The following CEP170 variants were observed in gnomAD, a reference collection of about 807,000 sequenced individuals.
The protein encoded by CEP170 is centrosomal protein 170.
In CEP170, 21 loss-of-function variants were observed where a neutral mutation model predicts 151.9. The ratio of observed to expected loss-of-function variants is 0.14; its 90% CI spans 0.10 to 0.20. CEP170 has a LOEUF of 0.20. CEP170 is among the 10% of genes least tolerant of loss of function. The probability of loss-of-function intolerance (pLI) is 1.00; values close to 1 mark genes in which losing one functional copy is unlikely to be tolerated. For synonymous variants in CEP170, 356 were observed against 648.8 expected (o/e 0.55, Z 6.86); for missense variants, 964 against 1,892.9 (o/e 0.51, Z 9.11).
chr1:243,239,221 T>A (rs1015765000), intron 1 of CEP170, among the ~76,000 whole-genome samples: 1 of 152,208 alleles, frequency 6.6e-6, no homozygotes, highest in Non-Finnish European at 1.5e-5. Flanking sequence ...GTGCCTTTTT[T>A]CCTGTTCTCC....
chr1:243,151,155 C>T (rs970003195), intron 14 of CEP170, among the ~76,000 whole-genome samples: 1 of 152,210 alleles, frequency 6.6e-6, no homozygotes, highest in African/African-American at 2.4e-5. Context: ...TGTTTCACAG[C>T]CGCAGTTCAA....
chr1:243,238,123 G>C (rs1456756945), intron 1 of CEP170, among the ~76,000 whole-genome samples: 1 of 152,020 alleles, frequency 6.6e-6, no homozygotes, highest in Non-Finnish European at 1.5e-5. Context: ...TCTGTAGTTT[G>C]ATTATTTCTG....
At position 243,252,422 on chromosome 1, in the gene CEP170, A is replaced by G. The variant is rs367756133; in HGVS notation, c.-42+2618T>C. ...TTTTGACAAAAAAGCTTAAGCATATACAATATTTAGTACTAGATGAGCATT... is the reference window on the plus strand; with the variant it reads ...TTTTGACAAAAAAGCTTAAGCATATGCAATATTTAGTACTAGATGAGCATT... On this transcript the variant is annotated intron_variant, in intron 1 of 19. Transcript: ENST00000366542. Among the ~76,000 whole-genome samples the G allele has an allele frequency of 4.0e-4, 61 of 152,312 alleles. 1 individual carries two copies. The East Asian group carries it at 4.0e-3, about 10-fold the overall frequency.
chr1:243,237,544 G>T (rs1411649803), intron 1 of CEP170, among the ~76,000 whole-genome samples: 1 of 152,108 alleles, frequency 6.6e-6, no homozygotes, highest in Non-Finnish European at 1.5e-5. Flanking sequence ...ATGCATGCTG[G>T]AAAAGAAAAT....
chr1:243,205,526 T>G (rs2061356307), intron 4 of CEP170, among the ~76,000 whole-genome samples: 2 of 152,176 alleles, frequency 1.3e-5, no homozygotes, highest in African/African-American at 4.8e-5. Context: ...ATTTGGTCAA[T>G]GAGTTTACTG....
intron 3 of CEP170, among the ~76,000 whole-genome samples, chr1:243,218,089 T>C (rs1018314615): frequency 6.6e-6 from 1 of 152,256 alleles, no homozygotes; most frequent in African/African-American, 2.4e-5. Context: ...ATACATTGTA[T>C]TGATGATCTG....
At chr1:243,173,352 G>A (rs1458019176) in intron 10 of CEP170, among the ~76,000 whole-genome samples, 1 of 151,616 alleles carries the variant, frequency 6.6e-6, no homozygotes. Context: ...GAGCCAACAT[G>A]CCTGGCCGAA....
intron 6 of CEP170, 83 bp downstream of exon 6, chr1:243,200,435 A>T: frequency 6.3e-7 from 1 of 1,590,058 alleles, no homozygotes; most frequent in African/African-American, 1.3e-5. Context: ...TTTTATATGG[A>T]CATAGCCAAC....
chr1:243,202,857 A>G (rs1302604601), intron 4 of CEP170, among the ~76,000 whole-genome samples: 5 of 152,246 alleles, frequency 3.3e-5, no homozygotes, highest in African/African-American at 1.2e-4. Context: ...GGAAAACACA[A>G]GTGATTTCAG....
intron 17 of CEP170, among the ~76,000 whole-genome samples, chr1:243,135,360 C>A (rs1407736999): frequency 6.6e-6 from 1 of 152,096 alleles, no homozygotes; most frequent in East Asian, 1.9e-4. Context: ...GCGCCCGCCA[C>A]CACGCCCGGC....
rs2787270 is a variant in CEP170 at position 243,126,333 on chromosome 1, G to A, written c.*116C>T. The A allele has an allele frequency of 7.2e-5, 72 of 1,006,608 alleles. No homozygotes were observed. The highest frequency in any genetic ancestry group is 7.3e-5 in the Non-Finnish European group (49 of 669,832). The allele number at this position is 1,006,608 out of a possible 1,614,324, so 62.4% of individuals were successfully genotyped here. Reference sequence around the variant, plus strand: ...ATAAATAAATAAAATTAAGAAGACAGGGATTCCAAGATTGTAGCTGACCAA... The same window carrying A: ...ATAAATAAATAAAATTAAGAAGACAAGGATTCCAAGATTGTAGCTGACCAA... On this transcript the variant is annotated 3_prime_UTR_variant, in exon 20 of 20. Transcript: ENST00000366542.
intron 16 of CEP170, among the ~76,000 whole-genome samples, chr1:243,136,805 G>C (rs2055137276): frequency 6.6e-6 from 1 of 151,992 alleles, no homozygotes; most frequent in Admixed American, 6.6e-5. Flanking sequence ...AGAGGGTGAA[G>C]GTTTTGGTCT....
rs1428854210 is a variant in CEP170, at chr1:243,200,854, G to C, written c.275-19C>G. 3 of 1,589,564 alleles carry C rather than the reference G, an allele frequency of 1.9e-6. No homozygotes were observed. In the Admixed American group the frequency reaches 5.7e-5, roughly 30 times the overall value. ...TTTGTATGTAAACGGGGCTAAGGAA[G>C]AATATAACCTCAAATTTCTGATAAT... On this transcript the variant is annotated intron_variant, in intron 4 of 19. Transcript: ENST00000366542.
chr1:243,148,777 A>G (rs2056787498), intron 14 of CEP170, among the ~76,000 whole-genome samples: 1 of 152,158 alleles, frequency 6.6e-6, no homozygotes, highest in African/African-American at 2.4e-5. Context: ...AATGATAAGG[A>G]AAGATCTTTC....
chr1:243,145,394 A>G (rs2056343728), intron 14 of CEP170, among the ~76,000 whole-genome samples: 1 of 152,136 alleles, frequency 6.6e-6, no homozygotes, highest in Non-Finnish European at 1.5e-5. Flanking sequence ...CCTGCCTCAG[A>G]CTACCGAGTA....
rs1179067257 is a variant in CEP170 at position 243,164,127 on chromosome 1, A to G, written c.3676+157T>C. Reference sequence around the variant, plus strand: ...TTACTATGCTAAATAAAACTGTTTTATAGACCCCCCACCGCCGCTGCCCCG... The same window carrying G: ...TTACTATGCTAAATAAAACTGTTTTGTAGACCCCCCACCGCCGCTGCCCCG... On this transcript the variant is annotated intron_variant, in intron 13 of 19. Transcript: ENST00000366542. 2.0e-5 allele frequency among the ~76,000 whole-genome samples: 3 copies of G among 152,070 alleles called. No homozygotes were observed. In the East Asian group the frequency reaches 5.8e-4, roughly 29 times the overall value.
intron 1 of CEP170, chr1:243,253,107 A>T (rs1378117206): frequency 1.3e-5 from 2 of 152,252 alleles, no homozygotes; most frequent in Non-Finnish European, 1.5e-5. Context: ...CCTACCGTTA[A>T]GTAGCTACCA....
chr1:243,206,817 T>C (rs2061453270), intron 4 of CEP170, among the ~76,000 whole-genome samples: 1 of 152,238 alleles, frequency 6.6e-6, no homozygotes, highest in Non-Finnish European at 1.5e-5. Flanking sequence ...TATACTGTTG[T>C]AATGTTCTTG....
intron 1 of CEP170, among the ~76,000 whole-genome samples, chr1:243,234,108 A>AT (rs964074865): frequency 9.9e-5 from 15 of 152,198 alleles, no homozygotes; most frequent in Admixed American, 8.5e-4. Flanking sequence ...CTTTATAAAG[A>AT]TTAAACCTCC....
Sources: allele counts gnomAD v4.1 joint callset (sites outside exome capture counted in the v4.1 genomes callset), GRCh38; gene constraint gnomAD v4.1.1; transcripts MANE v1.5; gene names NCBI Gene and HGNC (gene_info 2026-07-23, HGNC 2026-07-21).